DOCK8: variants seen among roughly 807,000 people sequenced by gnomAD.
The protein encoded by DOCK8 is dedicator of cytokinesis protein 8.
DOCK8 carries 141 observed loss-of-function variants against 245.6 expected under a neutral mutation model. That is an observed-to-expected ratio of 0.57 (90% CI 0.50 to 0.66). DOCK8 has a LOEUF of 0.66. Among genes scored for constraint, DOCK8 ranks in the 30% least tolerant of loss-of-function variants. DOCK8 has a pLI of 0.00. For missense variants in DOCK8, 2,965 were observed against 2,603.4 expected, an observed-to-expected ratio of 1.14 and a Z score of -3.02; for synonymous variants, 1,168 against 970.2, an observed-to-expected ratio of 1.20 and a Z score of -3.79.
chr9:248,561 C>G (rs1563839347), intron 1 of DOCK8, among the ~76,000 whole-genome samples: 1 of 108,986 alleles, frequency 9.2e-6, no homozygotes, highest in African/African-American at 3.2e-5. Flanking sequence ...CTCTCTCTCT[C>G]TTTCTTTCTT....
At chr9:404,311 A>C (rs547360421) in intron 26 of DOCK8, among the ~76,000 whole-genome samples, 7 of 152,072 alleles carry the variant, frequency 4.6e-5, no homozygotes, top group African/African-American at 1.4e-4. Flanking sequence ...TTTTTCCTAA[A>C]AACTCTTCTA....
At chr9:397,786 C>A (rs1194480796) in intron 25 of DOCK8, among the ~76,000 whole-genome samples, 3 of 152,104 alleles carry the variant, frequency 2.0e-5, no homozygotes, top group Non-Finnish European at 4.4e-5. Context: ...GCAACCCATT[C>A]TCAAATGGTT....
At chr9:344,523 G>C (rs934290061) in intron 14 of DOCK8, among the ~76,000 whole-genome samples, 6 of 151,054 alleles carry the variant, frequency 4.0e-5, no homozygotes, top group African/African-American at 1.2e-4. Context: ...TGAACCCCAG[G>C]TAAAATTGGC....
chr9:223,768 TG>T (rs768515190), intron 1 of DOCK8, among the ~76,000 whole-genome samples: 1 of 148,114 alleles, frequency 6.8e-6, no homozygotes, highest in Non-Finnish European at 1.5e-5. Flanking sequence ...TTGCTTTAGT[TG>T]TTTTTTTTTT....
rs2054496027 is a variant in DOCK8, at chr9:397,052, A to T, written c.3120+118A>T. Reference sequence around the variant, plus strand: ...ATAATTAAAATATAACTGTAATGACAGTTAAACGCAGTATGTTATACTGGA... The same window carrying T: ...ATAATTAAAATATAACTGTAATGACTGTTAAACGCAGTATGTTATACTGGA... On this transcript the variant is annotated intron_variant, in intron 25 of 47. Transcript: ENST00000432829. The T allele has an allele frequency of 4.3e-6, 5 of 1,171,170 alleles. No individual in the cohort carries two copies. In the South Asian group the frequency reaches 6.7e-5, roughly 16 times the overall value. The allele number at this position is 1,171,170 out of a possible 1,614,324, so 72.5% of individuals were successfully genotyped here. A position where few individuals can be genotyped will look rare whatever the true frequency, so the allele number is the denominator to read the frequency against.
intron 12 of DOCK8, among the ~76,000 whole-genome samples, chr9:338,125 G>C (rs549930282): frequency 6.6e-6 from 1 of 151,730 alleles, no homozygotes; most frequent in Admixed American, 6.6e-5. Context: ...CTGCACTCCA[G>C]CCTGGGTGAC....
At chr9:402,816 G>T (rs1021262904) in intron 26 of DOCK8, among the ~76,000 whole-genome samples, 1 of 152,178 alleles carries the variant, frequency 6.6e-6, no homozygotes, top group African/African-American at 2.4e-5. Flanking sequence ...TGTGGGTCTT[G>T]ACCTTTGGGA....
intron 5 of DOCK8, among the ~76,000 whole-genome samples, chr9:310,135 C>T (rs745864451): frequency 9.2e-5 from 14 of 152,028 alleles, no homozygotes; most frequent in Non-Finnish European, 1.8e-4. Context: ...GGCGTGGTGG[C>T]GCGTGCCTGT....
intron 4 of DOCK8, among the ~76,000 whole-genome samples, chr9:297,319 C>G (rs1032855117): frequency 3.9e-5 from 6 of 152,194 alleles, no homozygotes; most frequent in Non-Finnish European, 5.9e-5. Flanking sequence ...CGTCTGCACC[C>G]AGTTCCTTCT....
At chr9:386,543 A>C (rs1278945410) in intron 23 of DOCK8, 117 bp downstream of exon 23, 2 of 821,086 alleles carry the variant, frequency 2.4e-6, no homozygotes, top group Non-Finnish European at 4.0e-6. Context: ...CTGATGTGCT[A>C]ACACACACAC....
intron 6 of DOCK8, among the ~76,000 whole-genome samples, chr9:315,458 A>G (rs1339050810): frequency 6.6e-6 from 1 of 152,256 alleles, no homozygotes; most frequent in African/African-American, 2.4e-5. Flanking sequence ...ACAAAATAAC[A>G]GTAAAAACAA....
chr9:311,961 C>G lies in DOCK8; in HGVS notation c.536C>G (p.Pro179Arg), dbSNP rs772181121. ...ECSEPAAQAG[P>R]RHLNVLCDVS... ...CACTGTTTTCTCTCACAGGCAGGCC[C>G]CCGCCACTTAAACGTGCTGTGCGAC... The change falls in exon 6 of 48, where the codon CCC (proline) becomes CGC (arginine). Residue 179 changes from proline (P) to arginine (R), a missense_variant. This residue lies in a region of DOCK8 where 2,825 missense variants were observed against 2,453.5 expected (regional missense o/e 1.15). Coordinates refer to ENST00000432829, the MANE Select transcript of DOCK8 (RefSeq NM_203447.4). 3 of 1,613,782 alleles carry G rather than the reference C, an allele frequency of 1.9e-6. No homozygotes were observed. The highest frequency in any genetic ancestry group is 2.7e-5 in the African/African-American group (2 of 74,922).
intron 1 of DOCK8, among the ~76,000 whole-genome samples, chr9:263,923 G>C (rs2047980288): frequency 6.6e-6 from 1 of 152,148 alleles, no homozygotes; most frequent in Admixed American, 6.5e-5. Context: ...GTCTAGGTTT[G>C]ATTTCCTCTG....
At chr9:339,887 C>T (rs763743390) in intron 13 of DOCK8, among the ~76,000 whole-genome samples, 2 of 152,150 alleles carry the variant, frequency 1.3e-5, no homozygotes, top group Non-Finnish European at 2.9e-5. Context: ...TAAAATTATA[C>T]TGTGGTAATT....
At chr9:292,227 G>A (rs538751182) in intron 4 of DOCK8, among the ~76,000 whole-genome samples, 210 of 150,592 alleles carry the variant, frequency 1.4e-3, no homozygotes, top group South Asian at 3.1e-3. Context: ...AAAATTAACC[G>A]GGCATGGTGG....
chr9:360,632 A>G (rs2052683920), intron 14 of DOCK8, among the ~76,000 whole-genome samples: 1 of 152,116 alleles, frequency 6.6e-6, no homozygotes, highest in South Asian at 2.1e-4. Flanking sequence ...TTCGGTTTTG[A>G]GGTTTTACTT....
chr9:264,163 ATT>A (rs761886590), intron 1 of DOCK8, among the ~76,000 whole-genome samples: 38 of 152,218 alleles, frequency 2.5e-4, no homozygotes, highest in Admixed American at 4.6e-4. Context: ...CTTTTAGGTG[ATT>A]ATGCTGCTTC....
At chr9:247,650 C>G (rs1043892839) in intron 1 of DOCK8, among the ~76,000 whole-genome samples, 1 of 152,152 alleles carries the variant, frequency 6.6e-6, no homozygotes, top group African/African-American at 2.4e-5. Context: ...TCTCCGGCCT[C>G]AGCCTCCCGA....
At chr9:250,134 A>G (rs2047613066) in intron 1 of DOCK8, among the ~76,000 whole-genome samples, 1 of 152,138 alleles carries the variant, frequency 6.6e-6, no homozygotes, top group African/African-American at 2.4e-5. Context: ...TGGCACAAGC[A>G]TTTATCATAT....
Sources: allele counts gnomAD v4.1 joint callset (sites outside exome capture counted in the v4.1 genomes callset), GRCh38; gene constraint gnomAD v4.1.1; regional missense constraint gnomAD v4.1.1; transcripts MANE v1.5; gene names NCBI Gene and HGNC (gene_info 2026-07-23, HGNC 2026-07-21).